The following PEX7 variants were observed in gnomAD, a reference collection of about 807,000 sequenced individuals.
The protein encoded by PEX7 is peroxisomal biogenesis factor 7, also known as PTS2 receptor.
In PEX7, 34 loss-of-function variants were observed where a neutral mutation model predicts 47.5. The observed-to-expected ratio is 0.72, with a 90% confidence interval of 0.54 to 0.95. PEX7 has a LOEUF of 0.95. Among genes scored for constraint, PEX7 ranks in the 40% least tolerant of loss-of-function variants. PEX7 has a pLI of 0.00. For synonymous variants in PEX7, 141 were observed against 148.8 expected, an observed-to-expected ratio of 0.95 and a Z score of 0.38; for missense variants, 394 against 400.3, an observed-to-expected ratio of 0.98 and a Z score of 0.13.
chr6:136,848,312 T>C (rs1774668352), intron 5 of PEX7, among the ~76,000 whole-genome samples: 1 of 152,208 alleles, frequency 6.6e-6, no homozygotes, highest in African/African-American at 2.4e-5. Context: ...ACTTCCTCTT[T>C]TCCTAATTGA....
At chr6:136,837,232 C>T (rs955847426) in intron 3 of PEX7, among the ~76,000 whole-genome samples, 14 of 151,326 alleles carry the variant, frequency 9.3e-5, no homozygotes, top group Non-Finnish European at 1.6e-4. Context: ...GGTGTGGTGG[C>T]GGCCTCTGTA....
chr6:136,870,795 C>T, intron 7 of PEX7: 1 of 401,030 alleles, frequency 2.5e-6, no homozygotes, highest in South Asian at 1.8e-5. Flanking sequence ...CTTCTGGGTT[C>T]AAGCTGTTCT....
intron 5 of PEX7, among the ~76,000 whole-genome samples, chr6:136,848,531 C>T (rs147363751): frequency 0.016 from 2,403 of 152,232 alleles, 27 homozygotes; most frequent in Non-Finnish European, 0.023. Flanking sequence ...CCCATCAATA[C>T]CTAGTTTATT....
Position 136,900,434 on chromosome 6 carries a change from G to T in PEX7, c.903+2193G>T. 4.7e-6 allele frequency: 2 copies of T among 430,058 alleles called. No homozygotes were observed. Among genetic ancestry groups the T allele is most frequent in the South Asian group, 1.8e-5 (1 of 54,856 alleles). The allele number at this position is 430,058 out of a possible 1,614,324, so 26.6% of individuals were successfully genotyped here. ...TTTGCCTTTTCCAGCTTGGCAGTGT[G>T]AGCCACAGACTTGGGACCAAGGACA... On this transcript the variant is annotated intron_variant, in intron 9 of 9. Transcript: ENST00000318471. The surrounding 1 kb of genome is among the most constrained non-coding windows in gnomAD (Gnocchi z 4.2).
chr6:136,910,659 A>C (rs1280141152), intron 9 of PEX7, among the ~76,000 whole-genome samples: 3 of 152,226 alleles, frequency 2.0e-5, no homozygotes, highest in Non-Finnish European at 2.9e-5. Context: ...GGCTATCACT[A>C]TTCAAAATTA....
intron 5 of PEX7, among the ~76,000 whole-genome samples, chr6:136,849,740 G>C (rs549750947): frequency 6.6e-6 from 1 of 151,966 alleles, no homozygotes; most frequent in Non-Finnish European, 1.5e-5. Flanking sequence ...ATTTCTGTTC[G>C]TTTACATTTG....
chr6:136,867,843 A>G (rs1775101948), intron 6 of PEX7, among the ~76,000 whole-genome samples: 1 of 152,210 alleles, frequency 6.6e-6, no homozygotes, highest in Non-Finnish European at 1.5e-5. Context: ...GCAAAAAATT[A>G]CAGTGAGCTA....
At chr6:136,850,796 G>A (rs912204625) in intron 5 of PEX7, among the ~76,000 whole-genome samples, 1 of 151,906 alleles carries the variant, frequency 6.6e-6, no homozygotes, top group Admixed American at 6.6e-5. Context: ...TTGTATCATT[G>A]GCTTAGAATT....
chr6:136,841,395 C>T (rs1220282202), intron 3 of PEX7, among the ~76,000 whole-genome samples: 9 of 152,272 alleles, frequency 5.9e-5, no homozygotes, highest in Non-Finnish European at 1.2e-4. Context: ...TCACTACCCC[C>T]GATCCCTAGG....
chr6:136,861,971 C>T (rs1469690364), intron 5 of PEX7, among the ~76,000 whole-genome samples: 2 of 141,612 alleles, frequency 1.4e-5, no homozygotes, highest in Admixed American at 1.4e-4. Context: ...TGGAGAAGGT[C>T]ATGAGAGATC....
Position 136,908,664 on chromosome 6 carries a change from A to T in PEX7, c.904-4794A>T, listed in dbSNP as rs959537734. On this transcript the variant is annotated intron_variant, in intron 9 of 9. Coordinates refer to ENST00000318471, the MANE Select transcript of PEX7 (RefSeq NM_000288.4). Reference sequence around the variant, plus strand: ...CACATGCACACTCATACTGTAAGGGAAGAGAGTCAAACAAGAGATACCCCA... The same window carrying T: ...CACATGCACACTCATACTGTAAGGGTAGAGAGTCAAACAAGAGATACCCCA... 2.6e-5 allele frequency among the ~76,000 whole-genome samples: 4 copies of T among 152,058 alleles called. No individual in the cohort carries two copies. In the East Asian group the frequency reaches 7.7e-4, roughly 29 times the overall value.
At chr6:136,832,024 G>T (rs1426126297) in intron 3 of PEX7, among the ~76,000 whole-genome samples, 1 of 152,246 alleles carries the variant, frequency 6.6e-6, no homozygotes. Context: ...GGACTGTGTG[G>T]GGCCTTCAAC....
At chr6:136,847,347 A>C (rs889345020) in intron 5 of PEX7, among the ~76,000 whole-genome samples, 9 of 151,512 alleles carry the variant, frequency 5.9e-5, no homozygotes, top group African/African-American at 2.2e-4. Flanking sequence ...TCTTTAGTTT[A>C]ATTAGATCCC....
At chr6:136,859,750 C>T (rs978620308) in intron 5 of PEX7, among the ~76,000 whole-genome samples, 4 of 152,126 alleles carry the variant, frequency 2.6e-5, no homozygotes, top group African/African-American at 9.7e-5. Flanking sequence ...TGGCCAGGCA[C>T]AGTGGCTCAC....
At chr6:136,912,974 G>A (rs1353020003) in intron 9 of PEX7, among the ~76,000 whole-genome samples, 1 of 152,158 alleles carries the variant, frequency 6.6e-6, no homozygotes, top group Non-Finnish European at 1.5e-5. Flanking sequence ...CACTGTCCCA[G>A]CTGGAATCAT....
chr6:136,899,027 C>T (rs746084306), intron 9 of PEX7, among the ~76,000 whole-genome samples: 3 of 148,414 alleles, frequency 2.0e-5, no homozygotes, highest in African/African-American at 4.9e-5. Context: ...TCCCACTTCA[C>T]ATTAATGTGT....
At chr6:136,885,216 C>G (rs1775449301) in intron 8 of PEX7, among the ~76,000 whole-genome samples, 1 of 152,086 alleles carries the variant, frequency 6.6e-6, no homozygotes. Flanking sequence ...GTAGCAAATT[C>G]TCAGATATCT....
chr6:136,893,439 T>C (rs1236711672), intron 8 of PEX7, among the ~76,000 whole-genome samples: 1 of 152,198 alleles, frequency 6.6e-6, no homozygotes, highest in African/African-American at 2.4e-5. Flanking sequence ...GACGTCCTCT[T>C]AAGTCATCCT....
intron 3 of PEX7, among the ~76,000 whole-genome samples, chr6:136,840,339 A>G (rs1244401972): frequency 6.6e-6 from 1 of 152,006 alleles, no homozygotes; most frequent in Non-Finnish European, 1.5e-5. Context: ...TCTTCCCAGG[A>G]GTAACCACTA....
Sources: allele counts gnomAD v4.1 joint callset (sites outside exome capture counted in the v4.1 genomes callset), GRCh38; gene constraint gnomAD v4.1.1; non-coding constraint Gnocchi (gnomAD v3.1); transcripts MANE v1.5; gene names NCBI Gene and HGNC (gene_info 2026-07-23, HGNC 2026-07-21).